VPS53: variants seen among roughly 807,000 people sequenced by gnomAD.
The protein encoded by VPS53 is VPS53 subunit of GARP complex, also known as vacuolar protein sorting-associated protein 53 homolog.
A neutral mutation model predicts 107.0 loss-of-function variants in VPS53; 70 were observed. The ratio of observed to expected loss-of-function variants is 0.65; its 90% CI spans 0.54 to 0.80. The LOEUF (loss-of-function observed/expected upper bound fraction) is 0.80, where lower values mean the gene tolerates loss of function less well. Among genes scored for constraint, VPS53 ranks in the 30% least tolerant of loss-of-function variants. The pLI, the probability that VPS53 is intolerant of heterozygous loss-of-function variation, is 0.00. For synonymous variants in VPS53, 409 were observed against 393.3 expected, an observed-to-expected ratio of 1.04 and a Z score of -0.47; for missense variants, 917 against 1,049.4, an observed-to-expected ratio of 0.87 and a Z score of 1.74.
intron 15 of VPS53, among the ~76,000 whole-genome samples, chr17:554,377 T>G (rs1912145773): frequency 6.6e-6 from 1 of 152,164 alleles, no homozygotes; most frequent in African/African-American, 2.4e-5. Flanking sequence ...TGTAAACCTA[T>G]TACACAAACT....
chr17:614,035 T>C (rs1024219143), intron 11 of VPS53, among the ~76,000 whole-genome samples: 1 of 152,212 alleles, frequency 6.6e-6, no homozygotes, highest in African/African-American at 2.4e-5. Flanking sequence ...CCACACATCG[T>C]AGCATCCGTT....
rs1384356793 is a variant in VPS53, at chr17:513,707, C to T, written c.*5421G>A. On this transcript the variant is annotated 3_prime_UTR_variant, in exon 22 of 22. Transcript: ENST00000437048. ...CCAGCAGGTTATTCCGAGTGCTCTT[C>T]CTAGGGAAGGAATCTCATTTCCAGC... The T allele has an allele frequency of 1.4e-5, 2 of 139,464 alleles. No individual in the cohort carries two copies. Among genetic ancestry groups the T allele is most frequent in the African/African-American group, 5.3e-5 (2 of 37,868 alleles). 8.6% of individuals were successfully genotyped at this position (139,464 alleles called of 1,614,324 possible).
intron 7 of VPS53, among the ~76,000 whole-genome samples, chr17:635,897 T>C (rs1453375472): frequency 2.0e-5 from 3 of 152,228 alleles, no homozygotes; most frequent in Non-Finnish European, 4.4e-5. Flanking sequence ...TTTGGTTCCA[T>C]ATGAACTTTA....
intron 4 of VPS53, among the ~76,000 whole-genome samples, chr17:685,467 T>C (rs142717651): frequency 6.6e-6 from 1 of 152,258 alleles, no homozygotes; most frequent in African/African-American, 2.4e-5. Flanking sequence ...ATTCAACAGA[T>C]CACATGAGCT....
chr17:635,611 G>A (rs144770985), intron 7 of VPS53, among the ~76,000 whole-genome samples: 7,528 of 152,096 alleles, frequency 0.049, 562 homozygotes, highest in African/African-American at 0.16. Context: ...AGCTTTCCAC[G>A]TATGGCTAGC....
At chr17:623,400 C>T in intron 11 of VPS53, 133 bp downstream of exon 11, 1 of 1,064,166 alleles carries the variant, frequency 9.4e-7, no homozygotes, top group Non-Finnish European at 1.3e-6. Context: ...ACTTTCCCAG[C>T]AGCTCAGTGA....
At chr17:651,620 T>C (rs957596754) in intron 7 of VPS53, among the ~76,000 whole-genome samples, 14 of 152,192 alleles carry the variant, frequency 9.2e-5, no homozygotes, top group Non-Finnish European at 1.8e-4. Context: ...GTATTACTTA[T>C]ATAATTACAA....
chr17:535,346 T>C (rs1050656102), intron 18 of VPS53, among the ~76,000 whole-genome samples: 1 of 152,130 alleles, frequency 6.6e-6, no homozygotes, highest in Non-Finnish European at 1.5e-5. Flanking sequence ...GACTCCTCCT[T>C]CACTTTAACG....
rs576032667 is a variant in VPS53, at chr17:533,368, G to A, written c.2016-457C>T. 3.9e-5 allele frequency among the ~76,000 whole-genome samples: 6 copies of A among 152,228 alleles called. No homozygotes were observed. The South Asian group carries it at 8.3e-4, about 21-fold the overall frequency. Reference sequence around the variant, plus strand: ...AAGCAGTCCTCCTCCCTTGGGCTCCGGAAGTGCTGGGATTACAAGCGTGAG... The same window carrying A: ...AAGCAGTCCTCCTCCCTTGGGCTCCAGAAGTGCTGGGATTACAAGCGTGAG... On this transcript the variant is annotated intron_variant, in intron 18 of 21. Transcript: ENST00000437048.
intron 19 of VPS53, among the ~76,000 whole-genome samples, chr17:530,521 C>T (rs377621543): frequency 3.3e-5 from 5 of 152,200 alleles, no homozygotes; most frequent in African/African-American, 1.2e-4. Flanking sequence ...TCATATTTTC[C>T]ATGAAAAATG....
chr17:549,244 A>G (rs566687638), intron 17 of VPS53, among the ~76,000 whole-genome samples: 1 of 152,316 alleles, frequency 6.6e-6, no homozygotes, highest in African/African-American at 2.4e-5. Flanking sequence ...ACTACACAAA[A>G]CAGGATGCAG....
In VPS53 at chr17:562,723, GATCT is replaced by G; in HGVS notation, c.1332_1335del (p.Asp445GlyfsTer49). Reference sequence around the variant, plus strand: ...TGGGCTTTGAAATCAGCCACAAACCGATCTATCAGCTCTCCGAGGTTCCTAGGAG... The same window carrying G: ...TGGGCTTTGAAATCAGCCACAAACCGATCAGCTCTCCGAGGTTCCTAGGAG... On this transcript the variant is annotated frameshift_variant, in exon 14 of 22. Transcript: ENST00000437048. LOFTEE classifies it high-confidence loss of function. 6.2e-7 allele frequency: 1 copy of G among 1,611,512 alleles called. No homozygotes were observed. Among genetic ancestry groups the G allele is most frequent in the African/African-American group, 1.3e-5 (1 of 74,294 alleles).
chr17:681,073 T>C (rs186019175), intron 4 of VPS53, among the ~76,000 whole-genome samples: 11 of 152,348 alleles, frequency 7.2e-5, no homozygotes, highest in Admixed American at 5.2e-4. Flanking sequence ...ATAAATTACA[T>C]GTTTTTTGAA....
intron 10 of VPS53, among the ~76,000 whole-genome samples, chr17:624,679 T>G (rs1385838094): frequency 6.6e-6 from 1 of 152,246 alleles, no homozygotes; most frequent in Non-Finnish European, 1.5e-5. Flanking sequence ...ACAAGAAACG[T>G]GCTGGCTCTA....
intron 17 of VPS53, among the ~76,000 whole-genome samples, chr17:540,065 C>T (rs1187576886): frequency 2.0e-5 from 3 of 146,656 alleles, no homozygotes; most frequent in African/African-American, 5.0e-5. Flanking sequence ...ACTTCCCCCC[C>T]GACCCGCCCC....
intron 5 of VPS53, chr17:657,388 T>G: frequency 1.2e-6 from 1 of 804,690 alleles, no homozygotes; most frequent in African/African-American, 1.7e-5. Flanking sequence ...ATGCAAATCT[T>G]CTTAAGTCTG....
At chr17:565,396 C>A (rs1242340105) in intron 13 of VPS53, among the ~76,000 whole-genome samples, 6 of 115,816 alleles carry the variant, frequency 5.2e-5, no homozygotes, top group Admixed American at 4.5e-4. Flanking sequence ...AGAGCGAAAC[C>A]CCATCTCAAA....
chr17:704,096 T>C (rs190340227), intron 2 of VPS53, among the ~76,000 whole-genome samples: 23 of 152,340 alleles, frequency 1.5e-4, no homozygotes, highest in Admixed American at 1.4e-3. Flanking sequence ...TATGTTAGTT[T>C]TGTATTAGTT....
At chr17:631,863 C>A (rs900235550) in intron 7 of VPS53, among the ~76,000 whole-genome samples, 1 of 151,852 alleles carries the variant, frequency 6.6e-6, no homozygotes, top group Non-Finnish European at 1.5e-5. Context: ...CTAGGCCAAC[C>A]CTTTACCTGA....
Sources: allele counts gnomAD v4.1 joint callset (sites outside exome capture counted in the v4.1 genomes callset), GRCh38; gene constraint gnomAD v4.1.1; transcripts MANE v1.5; gene names NCBI Gene and HGNC (gene_info 2026-07-23, HGNC 2026-07-21).